SCARB1: variants seen among roughly 807,000 people sequenced by gnomAD.
The protein encoded by SCARB1 is CD36 and LIMPII analogous 1.
SCARB1 carries 30 observed loss-of-function variants against 57.2 expected under a neutral mutation model. That is an observed-to-expected ratio of 0.52 (90% confidence interval 0.39 to 0.71). The LOEUF (loss-of-function observed/expected upper bound fraction) is 0.71, where lower values mean the gene tolerates loss of function less well. Ranked by LOEUF, SCARB1 falls within the 30% of genes least tolerant of loss-of-function variation. The pLI is 0.00. For missense variants in SCARB1, 543 were observed against 671.2 expected, an observed-to-expected ratio of 0.81 and a Z score of 2.11; for synonymous variants, 249 against 268.3, an observed-to-expected ratio of 0.93 and a Z score of 0.70.
chr12:124,807,838 C>T lies in SCARB1; in HGVS notation c.932G>A (p.Gly311Glu). The T allele has an allele frequency of 6.2e-7, 1 of 1,614,132 alleles. No individual in the cohort carries two copies. The highest frequency in any genetic ancestry group is 8.5e-7 in the Non-Finnish European group (1 of 1,180,024). Residue 311 changes from glycine (G) to glutamate (E), a missense_variant, in exon 7 of 13, where the codon GGG becomes GAG. By Grantham distance (98) the Gly-to-Glu change is moderately conservative. Coordinates refer to ENST00000261693, the MANE Select transcript of SCARB1 (RefSeq NM_005505.5). The surrounding 1 kb of genome is among the most constrained non-coding windows in gnomAD (Gnocchi z 5.3). ...FVAPKTLFAN[G>E]SIYPPNEGFC... is the part of the protein sequence containing the mutation. ...GCCTTCGTTGGGTGGGTAGATGGAC[C>T]CGTTGGCAAACAGGGTTTTGGGAGC...
rs1251799511 is a variant in SCARB1, at chr12:124,817,327, T to C, written c.284+223A>G. Among the ~76,000 whole-genome samples, 1 of 118,512 alleles carries C rather than the reference T, an allele frequency of 8.4e-6. No homozygotes were observed. The highest frequency in any genetic ancestry group is 1.6e-5 in the Non-Finnish European group (1 of 61,864). 77.7% of individuals were successfully genotyped at this position (118,512 alleles called of 152,430 possible). A position where few individuals can be genotyped will look rare whatever the true frequency, so the allele number is the denominator to read the frequency against. On this transcript the variant is annotated intron_variant, in intron 2 of 12. Transcript: ENST00000261693. The surrounding 1 kb of genome is among the most constrained non-coding windows in gnomAD (Gnocchi z 4.8). The stretch of plus-strand genomic sequence containing the variant: ...TGAGCCCAGGACTTCAAAACCAGCC[T>C]GGGCAACATAGCAAGATCCCATCTC...
chr12:124,823,154 T>TCTGTTTC (rs1491262049), intron 1 of SCARB1, among the ~76,000 whole-genome samples: 40 of 152,122 alleles, frequency 2.6e-4, no homozygotes, highest in Admixed American at 5.9e-4. Context: ...GGGTGAAAAT[T>TCTGTTTC]CTGTTTCCTG....
At chr12:124,816,926 T>A (rs1057492302) in intron 2 of SCARB1, among the ~76,000 whole-genome samples, 19 of 151,846 alleles carry the variant, frequency 1.3e-4, no homozygotes, top group African/African-American at 4.6e-4. Context: ...TGGGCCAGCA[T>A]GTTCCACAAA....
At chr12:124,803,228 G>A (rs1307916555) in intron 7 of SCARB1, among the ~76,000 whole-genome samples, 2 of 152,208 alleles carry the variant, frequency 1.3e-5, no homozygotes, top group South Asian at 2.1e-4. Flanking sequence ...GGCCTGTCCT[G>A]TCTGTTTCTC....
intron 1 of SCARB1, among the ~76,000 whole-genome samples, chr12:124,842,422 C>T (rs1276268854): frequency 6.6e-6 from 1 of 152,258 alleles, no homozygotes; most frequent in African/African-American, 2.4e-5. Flanking sequence ...GAAGCTCCTC[C>T]CCACACACCT....
intron 1 of SCARB1, among the ~76,000 whole-genome samples, chr12:124,833,005 G>GC (rs1951471604): frequency 6.6e-6 from 1 of 151,934 alleles, no homozygotes; most frequent in African/African-American, 2.4e-5. Flanking sequence ...GGAATCCATT[G>GC]CCTTCCGTTT....
rs889549937 is a variant in SCARB1, at chr12:124,795,179, C to T, written c.1202+16G>A. Reference sequence around the variant, plus strand: ...CTCAATGAGCAATGCAGCCCCAGCTCCCAGTCCCCACTCACCCAATGCCTG... The same window carrying T: ...CTCAATGAGCAATGCAGCCCCAGCTTCCAGTCCCCACTCACCCAATGCCTG... On this transcript the variant is annotated intron_variant, in intron 9 of 12. Transcript: ENST00000261693. 1 of 1,607,786 alleles carries T rather than the reference C, an allele frequency of 6.2e-7. No individual in the cohort carries two copies. The highest frequency in any genetic ancestry group is 1.3e-5 in the African/African-American group (1 of 74,874).
At chr12:124,793,709 A>C (rs1267342216) in intron 9 of SCARB1, among the ~76,000 whole-genome samples, 1 of 150,878 alleles carries the variant, frequency 6.6e-6, no homozygotes, top group Non-Finnish European at 1.5e-5. Context: ...AAAAAAAAAA[A>C]AAAAAGAATG....
At chr12:124,802,945 C>G (rs547908131) in intron 7 of SCARB1, among the ~76,000 whole-genome samples, 31 of 152,266 alleles carry the variant, frequency 2.0e-4, no homozygotes, top group Non-Finnish European at 4.0e-4. Flanking sequence ...GCACCACGGT[C>G]ACGGTCGAAA....
chr12:124,859,511 A>G, intron 1 of SCARB1, among the ~76,000 whole-genome samples: 1 of 148,478 alleles, frequency 6.7e-6, no homozygotes, highest in Non-Finnish European at 1.5e-5. Context: ...AGCCTGGGCG[A>G]CAGAGCGAGA....
Position 124,800,133 on chromosome 12 carries a change from G to A in SCARB1, c.1119C>T (p.Asp373=), listed in dbSNP as rs548285039. The stretch of plus-strand genomic sequence containing the variant: ...GATGGCAGGGGCTCACCGGGTGGAT[G>A]TCCAGGAACAAGGAGTGTGCCTCCT... The part of the protein sequence containing the change: ...PNQEAHSLFL[D]IHPVTGIPMN... Residue 373 remains aspartate, a synonymous_variant, in exon 8 of 13, where the codon GAC becomes GAT. Coordinates refer to ENST00000261693, the MANE Select transcript of SCARB1 (RefSeq NM_005505.5). This position sits in a 1 kb window ranked among gnomAD's most constrained non-coding sequence, Gnocchi z 4.8. The A allele has an allele frequency of 3.7e-6, 6 of 1,612,362 alleles. No individual in the cohort carries two copies. In the Admixed American group the frequency reaches 8.3e-5, roughly 22 times the overall value.
At chr12:124,780,145 C>CT (rs1326399164) in intron 12 of SCARB1, among the ~76,000 whole-genome samples, 1 of 152,178 alleles carries the variant, frequency 6.6e-6, no homozygotes, top group African/African-American at 2.4e-5. Flanking sequence ...ACTTGTTTGA[C>CT]TGAGGAACAT....
intron 1 of SCARB1, among the ~76,000 whole-genome samples, chr12:124,856,019 G>A (rs1212891661): frequency 2.0e-5 from 3 of 152,220 alleles, no homozygotes; most frequent in Admixed American, 1.3e-4. Context: ...GCTGAGCTTC[G>A]CCACGTTCTA....
chr12:124,829,524 G>A (rs1250204181), intron 1 of SCARB1, among the ~76,000 whole-genome samples: 1 of 150,492 alleles, frequency 6.6e-6, no homozygotes, highest in Non-Finnish European at 1.5e-5. Context: ...AGTCACTCCA[G>A]TCTCCTCCCC....
At chr12:124,828,589 A>G (rs796759219) in intron 1 of SCARB1, among the ~76,000 whole-genome samples, 10 of 152,288 alleles carry the variant, frequency 6.6e-5, no homozygotes, top group African/African-American at 2.4e-4. Context: ...TAAATTCTCA[A>G]TGGCTCATCT....
chr12:124,810,314 C>A lies in SCARB1; in HGVS notation c.727-25G>T, dbSNP rs1397220213. On this transcript the variant is annotated intron_variant, in intron 5 of 12. Coordinates refer to ENST00000261693, the MANE Select transcript of SCARB1 (RefSeq NM_005505.5). This position sits in a 1 kb window ranked among gnomAD's most constrained non-coding sequence, Gnocchi z 4.0. ...CCTGGGGGGAAGCATCCAGACTAGA[C>A]CCCTCAGTAGGGCCAAGGCCCCTTA... 6 of 1,548,954 alleles carry A rather than the reference C, an allele frequency of 3.9e-6. 1 individual carries two copies. Among genetic ancestry groups the A allele is most frequent in the South Asian group, 2.2e-5 (2 of 89,762 alleles).
chr12:124,861,867 A>G (rs1385883701), intron 1 of SCARB1, among the ~76,000 whole-genome samples: 1 of 126,082 alleles, frequency 7.9e-6, no homozygotes, highest in Non-Finnish European at 1.7e-5. Context: ...TGGTGCATGC[A>G]TGTGTGGTGC....
chr12:124,824,962 C>T (rs11057833), intron 1 of SCARB1, among the ~76,000 whole-genome samples: 51,629 of 152,048 alleles, frequency 0.34, 9,699 homozygotes, highest in Non-Finnish European at 0.43. Flanking sequence ...CAGTGGCTCA[C>T]GCCTGTAATC....
rs183396026 is a variant in SCARB1, at chr12:124,839,562, A to G, written c.127-21855T>C. On this transcript the variant is annotated intron_variant, in intron 1 of 12. Coordinates refer to ENST00000261693, the MANE Select transcript of SCARB1 (RefSeq NM_005505.5). ...TCCCACTTCCATTTCTTTGATACCC[A>G]GAAGTGGGGTTGCCCCACCATATGG... The G allele has an allele frequency of 7.4e-6, 7 of 949,978 alleles. No individual in the cohort carries two copies. The South Asian group carries it at 1.5e-4, about 20-fold the overall frequency. The allele number at this position is 949,978 out of a possible 1,614,324, so 58.8% of individuals were successfully genotyped here. A position where few individuals can be genotyped will look rare whatever the true frequency, so the allele number is the denominator to read the frequency against.
Sources: gnomAD v4.1 joint callset for allele counts (sites outside exome capture counted in the v4.1 genomes callset) on GRCh38, gnomAD v4.1.1 for gene constraint, Gnocchi (gnomAD v3.1) non-coding constraint, MANE v1.5 for transcripts, NCBI Gene and HGNC (gene_info 2026-07-23, HGNC 2026-07-21) for gene names.